Variants in WBP1L observed in about 807,000 individuals in gnomAD.
The protein encoded by WBP1L is WW domain binding protein 1-like.
A neutral mutation model predicts 33.7 loss-of-function variants in WBP1L; 17 were observed. That is an observed-to-expected ratio of 0.50 (90% CI 0.34 to 0.76). WBP1L has a LOEUF of 0.76. Ranked by LOEUF, WBP1L falls within the 30% of genes least tolerant of loss-of-function variation. The probability of loss-of-function intolerance (pLI) is 0.01; values close to 1 mark genes in which losing one functional copy is unlikely to be tolerated. For synonymous variants in WBP1L, 173 were observed against 190.8 expected, an observed-to-expected ratio of 0.91 and a Z score of 0.77; for missense variants, 389 against 469.4, an observed-to-expected ratio of 0.83 and a Z score of 1.58.
At chr10:102,771,812 A>G (rs1459229186) in intron 1 of WBP1L, among the ~76,000 whole-genome samples, 1 of 43,108 alleles carries the variant, frequency 2.3e-5, no homozygotes, top group Non-Finnish European at 3.9e-5. Flanking sequence ...TGTCTCAAGA[A>G]AAAAAAAAAA....
Position 102,748,270 on chromosome 10 carries a change from C to A in WBP1L, c.90+4127C>A, listed in dbSNP as rs371540262. On this transcript the variant is annotated intron_variant, in intron 1 of 3. Coordinates refer to ENST00000448841, the MANE Select transcript of WBP1L (RefSeq NM_001083913.2). ...GAGACTCCGTCTCAAAAAAAAAAAACCAAACAAACAAAAAAAAACTTTGAG... is the reference window on the plus strand; with the variant it reads ...GAGACTCCGTCTCAAAAAAAAAAAAACAAACAAACAAAAAAAAACTTTGAG... Among the ~76,000 whole-genome samples, 659 of 150,884 alleles carry A rather than the reference C, an allele frequency of 4.4e-3. 5 individuals carry two copies. The highest frequency in any genetic ancestry group is 0.029 in the East Asian group (149 of 5,114).
intron 1 of WBP1L, among the ~76,000 whole-genome samples, chr10:102,764,102 C>T (rs547016935): frequency 7.9e-5 from 12 of 152,328 alleles, no homozygotes; most frequent in African/African-American, 2.9e-4. Context: ...GTGTGAGCCA[C>T]CACGCCCGGC....
At position 102,744,166 on chromosome 10, in the gene WBP1L, G is replaced by A. The variant is rs765911465; in HGVS notation, c.90+23G>A. ...CAGGTAAGGGGGAGGGGGCGTCTGGGCCATGTTGGGTCCTGGGGGTCGTCG... is the reference window on the plus strand; with the variant it reads ...CAGGTAAGGGGGAGGGGGCGTCTGGACCATGTTGGGTCCTGGGGGTCGTCG... On this transcript the variant is annotated intron_variant, in intron 1 of 3. Coordinates refer to ENST00000448841, the MANE Select transcript of WBP1L (RefSeq NM_001083913.2). The A allele has an allele frequency of 6.5e-6, 10 of 1,540,684 alleles. No homozygotes were observed. The African/African-American group carries it at 1.4e-4, about 21-fold the overall frequency.
At chr10:102,803,041 G>A (rs1321697965) in intron 2 of WBP1L, among the ~76,000 whole-genome samples, 2 of 152,206 alleles carry the variant, frequency 1.3e-5, no homozygotes, top group African/African-American at 4.8e-5. Flanking sequence ...AAACCAAAAT[G>A]ACCAAGGTCA....
chr10:102,798,827 C>T (rs1458311526), intron 2 of WBP1L, among the ~76,000 whole-genome samples: 1 of 152,166 alleles, frequency 6.6e-6, no homozygotes, highest in Non-Finnish European at 1.5e-5. Context: ...ACAGGGGCTT[C>T]CAGAATTTCC....
chr10:102,759,210 G>A (rs1290853427), intron 1 of WBP1L, among the ~76,000 whole-genome samples: 3 of 152,288 alleles, frequency 2.0e-5, no homozygotes, highest in East Asian at 1.9e-4. Context: ...TGGCGTTACC[G>A]CTTGACCAAG....
At chr10:102,802,940 C>T (rs948362812) in intron 2 of WBP1L, among the ~76,000 whole-genome samples, 4 of 152,324 alleles carry the variant, frequency 2.6e-5, no homozygotes, top group South Asian at 2.1e-4. Context: ...CATAGTTCTG[C>T]GTATACTACA....
chr10:102,750,267 C>T (rs926196996), intron 1 of WBP1L, among the ~76,000 whole-genome samples: 12 of 150,972 alleles, frequency 7.9e-5, no homozygotes, highest in African/African-American at 2.7e-4. Context: ...AATTAGCGTG[C>T]ACCTGTAATC....
At chr10:102,760,768 G>A (rs555479016) in intron 1 of WBP1L, among the ~76,000 whole-genome samples, 7 of 152,208 alleles carry the variant, frequency 4.6e-5, no homozygotes, top group African/African-American at 7.2e-5. Context: ...AAGGCTCCCC[G>A]CTCGTTTGGG....
At chr10:102,757,676 T>C (rs1842993136) in intron 1 of WBP1L, among the ~76,000 whole-genome samples, 1 of 148,640 alleles carries the variant, frequency 6.7e-6, no homozygotes, top group Non-Finnish European at 1.5e-5. Flanking sequence ...TCCTGAGTTC[T>C]AGCGATCATC....
intron 1 of WBP1L, among the ~76,000 whole-genome samples, chr10:102,764,476 C>T (rs962964309): frequency 1.3e-5 from 2 of 152,178 alleles, no homozygotes; most frequent in East Asian, 3.8e-4. Context: ...TGCTGTCATC[C>T]TGTGTCACCT....
chr10:102,773,448 GC>G (rs886404324), intron 1 of WBP1L, among the ~76,000 whole-genome samples: 4 of 152,278 alleles, frequency 2.6e-5, no homozygotes, highest in Admixed American at 1.3e-4. Flanking sequence ...GTCTTGGGTA[GC>G]ATCATAAAAG....
intron 1 of WBP1L, among the ~76,000 whole-genome samples, chr10:102,791,425 A>T (rs1843496510): frequency 6.6e-6 from 1 of 152,116 alleles, no homozygotes; most frequent in African/African-American, 2.4e-5. Flanking sequence ...AGCATCCCAC[A>T]TAGTGCCTGG....
At chr10:102,758,704 G>A (rs1435213668) in intron 1 of WBP1L, among the ~76,000 whole-genome samples, 1 of 152,170 alleles carries the variant, frequency 6.6e-6, no homozygotes, top group Non-Finnish European at 1.5e-5. Flanking sequence ...CCATCAAGAT[G>A]CAGAGACCGG....
intron 1 of WBP1L, among the ~76,000 whole-genome samples, chr10:102,778,580 G>C (rs2134043921): frequency 6.6e-6 from 1 of 152,322 alleles, no homozygotes; most frequent in East Asian, 1.9e-4. Flanking sequence ...CTGGTGGAAG[G>C]CAGAATTTAG....
intron 1 of WBP1L, among the ~76,000 whole-genome samples, chr10:102,792,106 A>C (rs1385530300): frequency 6.6e-6 from 1 of 152,180 alleles, no homozygotes; most frequent in Non-Finnish European, 1.5e-5. Flanking sequence ...CAGTGTAAAA[A>C]TGTTTTTTCC....
chr10:102,768,255 A>G (rs1405665926), intron 1 of WBP1L, among the ~76,000 whole-genome samples: 1 of 143,274 alleles, frequency 7.0e-6, no homozygotes, highest in Non-Finnish European at 1.5e-5. Flanking sequence ...TTATATTTTT[A>G]GTAGAGGCTG....
At chr10:102,779,275 G>C (rs1038729036) in intron 1 of WBP1L, among the ~76,000 whole-genome samples, 3 of 151,174 alleles carry the variant, frequency 2.0e-5, no homozygotes, top group Non-Finnish European at 3.0e-5. Flanking sequence ...TCCAGCATGG[G>C]CGACAAGAGC....
intron 1 of WBP1L, chr10:102,776,210 G>C: frequency 6.7e-7 from 1 of 1,497,366 alleles, no homozygotes; most frequent in Non-Finnish European, 8.9e-7. Flanking sequence ...GTAGCGAGGA[G>C]AGCAGGAGAC....
Sources: allele counts gnomAD v4.1 joint callset (sites outside exome capture counted in the v4.1 genomes callset), GRCh38; gene constraint gnomAD v4.1.1; transcripts MANE v1.5; gene names NCBI Gene and HGNC (gene_info 2026-07-23, HGNC 2026-07-21).